Variants in ANKRD11 observed in about 807,000 individuals in gnomAD.
ANKRD11 encodes the protein ankyrin repeat domain-containing protein 11.
A neutral mutation model predicts 195.7 loss-of-function variants in ANKRD11; 17 were observed. That is an observed-to-expected ratio of 0.09 (90% confidence interval 0.06 to 0.13). The LOEUF is 0.13. Ranked by LOEUF, ANKRD11 falls within the 10% of genes least tolerant of loss-of-function variation. The probability of loss-of-function intolerance (pLI) is 1.00; values close to 1 mark genes in which losing one functional copy is unlikely to be tolerated. For missense variants in ANKRD11, 3,735 were observed against 3,566.1 expected, an observed-to-expected ratio of 1.05 and a Z score of -1.21; for synonymous variants, 1,953 against 1,528.1, an observed-to-expected ratio of 1.28 and a Z score of -6.49.
intron 2 of ANKRD11, among the ~76,000 whole-genome samples, chr16:89,408,099 C>T (rs1411181583): frequency 6.6e-6 from 1 of 152,126 alleles, no homozygotes; most frequent in Non-Finnish European, 1.5e-5. Flanking sequence ...CATGTGTGAC[C>T]ACTGGCCAGG....
At chr16:89,276,913 G>A (rs771110941) in intron 9 of ANKRD11, among the ~76,000 whole-genome samples, 32 of 151,960 alleles carry the variant, frequency 2.1e-4, no homozygotes, top group Non-Finnish European at 3.4e-4. Flanking sequence ...AAAATTAGCC[G>A]GACGTGGTGG....
intron 2 of ANKRD11, among the ~76,000 whole-genome samples, chr16:89,333,950 A>G (rs1413179947): frequency 6.6e-6 from 1 of 152,012 alleles, no homozygotes; most frequent in South Asian, 2.1e-4. Context: ...GACAATTCAA[A>G]TGCTGGCCTA....
At chr16:89,308,001 CAAA>C (rs1308097788) in intron 3 of ANKRD11, among the ~76,000 whole-genome samples, 2 of 151,540 alleles carry the variant, frequency 1.3e-5, no homozygotes, top group African/African-American at 2.4e-5. Flanking sequence ...AAGGTTCTAC[CAAA>C]CATGTGAAGG....
intron 9 of ANKRD11, among the ~76,000 whole-genome samples, chr16:89,277,247 A>C (rs915397923): frequency 6.6e-6 from 1 of 152,122 alleles, no homozygotes; most frequent in Admixed American, 6.5e-5. Flanking sequence ...AGCTCAAGCG[A>C]ATGCACAGCC....
chr16:89,359,771 G>C (rs1293215966), intron 2 of ANKRD11, among the ~76,000 whole-genome samples: 1 of 152,100 alleles, frequency 6.6e-6, no homozygotes, highest in African/African-American at 2.4e-5. Context: ...TTGCATTTTA[G>C]TCTACACTAC....
At chr16:89,352,195 T>C (rs543415091) in intron 2 of ANKRD11, among the ~76,000 whole-genome samples, 12 of 152,130 alleles carry the variant, frequency 7.9e-5, no homozygotes, top group Middle Eastern at 3.4e-3. Flanking sequence ...TGGCCGATTA[T>C]CTTCTTTGAA....
chr16:89,413,359 C>T (rs150794691), intron 2 of ANKRD11, among the ~76,000 whole-genome samples: 1 of 152,170 alleles, frequency 6.6e-6, no homozygotes, highest in Non-Finnish European at 1.5e-5. Context: ...GGCGCAGTGG[C>T]TCACGCCTGT....
Position 89,288,662 on chromosome 16 carries a change from C to G in ANKRD11, c.610G>C (p.Ala204Pro), listed in dbSNP as rs2034819591. Residue 204 changes from alanine (A) to proline (P), a missense_variant, in exon 7 of 13, where the codon GCG (alanine) becomes CCG (proline). Coordinates refer to ENST00000301030, the MANE Select transcript of ANKRD11 (RefSeq NM_013275.6). ...VNVKDFAGWT[A>P]LHEACNRGYY... ...CCCCGGTTACAGGCCTCGTGCAGCGCCGTCCAGCCTGGAAACAGACACTCA... is the reference window on the plus strand; with the variant it reads ...CCCCGGTTACAGGCCTCGTGCAGCGGCGTCCAGCCTGGAAACAGACACTCA... The G allele has an allele frequency of 6.2e-7, 1 of 1,614,096 alleles. No individual in the cohort carries two copies. The highest frequency in any genetic ancestry group is 8.5e-7 in the Non-Finnish European group (1 of 1,180,048).
At chr16:89,347,383 G>A (rs144566341) in intron 2 of ANKRD11, among the ~76,000 whole-genome samples, 1,565 of 152,266 alleles carry the variant, frequency 0.01, 24 homozygotes, top group African/African-American at 0.035. Context: ...GCCAAGATAG[G>A]CGGATCACGA....
intron 1 of ANKRD11, among the ~76,000 whole-genome samples, chr16:89,446,021 C>A (rs1233111653): frequency 1.0e-4 from 15 of 142,974 alleles, no homozygotes; most frequent in South Asian, 2.2e-4. Context: ...AAAAAAAAAA[C>A]CAGCCTAGTA....
At chr16:89,336,653 G>T (rs1409748535) in intron 2 of ANKRD11, among the ~76,000 whole-genome samples, 1 of 152,152 alleles carries the variant, frequency 6.6e-6, no homozygotes, top group African/African-American at 2.4e-5. Context: ...CACACCCCCC[G>T]GGTGGGCCAC....
chr16:89,334,122 A>AAC (rs1460560236), intron 2 of ANKRD11, among the ~76,000 whole-genome samples: 1 of 148,222 alleles, frequency 6.7e-6, no homozygotes, highest in African/African-American at 2.5e-5. Context: ...CAGCCTGGGT[A>AAC]ACATGATGAA....
chr16:89,280,284 T>C lies in ANKRD11; in HGVS notation c.6258A>G (p.Val2086=), dbSNP rs752361199. 6 of 1,604,660 alleles carry C rather than the reference T, an allele frequency of 3.7e-6. No homozygotes were observed. The highest frequency in any genetic ancestry group is 5.1e-6 in the Non-Finnish European group (6 of 1,176,412). The change falls in exon 9 of 13, where the codon GTA becomes GTG. Residue 2086 remains valine (V), a synonymous_variant. Transcript: ENST00000301030. ...GAGCCTCCACCTGAGCCACAGCGGC[T>C]ACACAGGCGGGCTCGGGGGCCACGT... is the stretch of plus-strand genomic sequence containing the variant. ...PLDVAPEPAC[V]AAVAQVEALG...
intron 2 of ANKRD11, among the ~76,000 whole-genome samples, chr16:89,371,544 A>G (rs2040193311): frequency 6.6e-6 from 1 of 152,210 alleles, no homozygotes; most frequent in Non-Finnish European, 1.5e-5. Flanking sequence ...CTCAAGGACC[A>G]GCTCAGATTC....
At chr16:89,489,557 C>G (rs2057740556) in intron 1 of ANKRD11, among the ~76,000 whole-genome samples, 1 of 151,698 alleles carries the variant, frequency 6.6e-6, no homozygotes. Context: ...CGCCTGCTCT[C>G]ATTTCAAAAC....
intron 2 of ANKRD11, among the ~76,000 whole-genome samples, chr16:89,347,444 C>T (rs1276256095): frequency 6.6e-6 from 1 of 152,016 alleles, no homozygotes; most frequent in Non-Finnish European, 1.5e-5. Context: ...CCCGTCTCTA[C>T]TAAAAAATAC....
chr16:89,349,861 A>AACACACACACAC (rs34592614), intron 2 of ANKRD11, among the ~76,000 whole-genome samples: 2 of 133,138 alleles, frequency 1.5e-5, no homozygotes, highest in East Asian at 2.1e-4. Flanking sequence ...TACTTGTTAA[A>AACACACACACAC]ACACACACAC....
At chr16:89,349,154 A>AAAAAAAAAGAAAAAAG (rs2039085356) in intron 2 of ANKRD11, among the ~76,000 whole-genome samples, 2 of 146,618 alleles carry the variant, frequency 1.4e-5, no homozygotes, top group African/African-American at 2.5e-5. Context: ...AAAAAAAAAA[A>AAAAAAAAAGAAAAAAG]AAAAAAAGAA....
intron 3 of ANKRD11, among the ~76,000 whole-genome samples, chr16:89,315,038 C>T (rs983437067): frequency 2.0e-5 from 3 of 152,184 alleles, no homozygotes; most frequent in Admixed American, 6.5e-5. Context: ...CCTGGGACCC[C>T]CACCCACATC....
Sources: allele counts gnomAD v4.1 joint callset (sites outside exome capture counted in the v4.1 genomes callset), GRCh38; gene constraint gnomAD v4.1.1; transcripts MANE v1.5; gene names NCBI Gene and HGNC (gene_info 2026-07-23, HGNC 2026-07-21).